Variants in C1orf21 observed in about 807,000 individuals in gnomAD.
C1orf21 encodes uncharacterized protein C1orf21.
A neutral mutation model predicts 18.7 loss-of-function variants in C1orf21; 3 were observed. The ratio of observed to expected loss-of-function variants is 0.16; its 90% CI spans 0.07 to 0.42. C1orf21 has a LOEUF of 0.42. C1orf21 is among the 10% of genes least tolerant of loss of function. The probability of loss-of-function intolerance (pLI) is 0.99; values close to 1 mark genes in which losing one functional copy is unlikely to be tolerated. For missense variants in C1orf21, 104 were observed against 143.6 expected, an observed-to-expected ratio of 0.72 and a Z score of 1.41; for synonymous variants, 41 against 46.4, an observed-to-expected ratio of 0.88 and a Z score of 0.47.
chr1:184,501,994 A>C (rs1657982811), intron 2 of C1orf21, among the ~76,000 whole-genome samples: 1 of 152,228 alleles, frequency 6.6e-6, no homozygotes, highest in Non-Finnish European at 1.5e-5. Flanking sequence ...GTAAATTTTA[A>C]AACATTAAAC....
chr1:184,451,451 T>C (rs1657120943), intron 1 of C1orf21, among the ~76,000 whole-genome samples: 1 of 146,812 alleles, frequency 6.8e-6, no homozygotes, highest in Non-Finnish European at 1.5e-5. Context: ...CCATCATGCC[T>C]GGCTAATTTA....
At chr1:184,515,493 G>A (rs1225969073) in intron 3 of C1orf21, among the ~76,000 whole-genome samples, 1 of 152,122 alleles carries the variant, frequency 6.6e-6, no homozygotes, top group Non-Finnish European at 1.5e-5. Context: ...GCGTCGTTAC[G>A]TAGGTTACCA....
chr1:184,455,246 A>G (rs1305255694), intron 1 of C1orf21, among the ~76,000 whole-genome samples: 2 of 152,220 alleles, frequency 1.3e-5, no homozygotes, highest in African/African-American at 4.8e-5. Flanking sequence ...AAGGAGCCTT[A>G]CAGGTCTGAT....
chr1:184,480,525 C>A (rs1042142487), intron 2 of C1orf21, among the ~76,000 whole-genome samples: 10 of 152,178 alleles, frequency 6.6e-5, no homozygotes, highest in African/African-American at 2.4e-4. Flanking sequence ...CTCTATTGTT[C>A]TAAAGCACCA....
At chr1:184,392,283 T>C (rs866314367) in intron 1 of C1orf21, among the ~76,000 whole-genome samples, 46 of 152,108 alleles carry the variant, frequency 3.0e-4, no homozygotes, top group African/African-American at 1.1e-3. Flanking sequence ...GATCAAGGAG[T>C]GCTGGAGAGG....
chr1:184,547,758 A>G (rs891356447), intron 3 of C1orf21, among the ~76,000 whole-genome samples: 4 of 152,232 alleles, frequency 2.6e-5, no homozygotes, highest in African/African-American at 9.7e-5. Flanking sequence ...CCCATCCTTT[A>G]TGAAGAGAAT....
chr1:184,573,110 A>C (rs1252737824), intron 3 of C1orf21, among the ~76,000 whole-genome samples: 4 of 152,148 alleles, frequency 2.6e-5, no homozygotes, highest in Admixed American at 6.5e-5. Flanking sequence ...AACTATTTTA[A>C]TATAGTCATT....
At chr1:184,616,992 TACTC>T (rs989851707) in intron 5 of C1orf21, among the ~76,000 whole-genome samples, 12 of 152,194 alleles carry the variant, frequency 7.9e-5, no homozygotes, top group Non-Finnish European at 1.5e-4. Flanking sequence ...TCATAGTCCT[TACTC>T]ACCTGACAGC....
intron 3 of C1orf21, among the ~76,000 whole-genome samples, chr1:184,541,906 G>A (rs1375103100): frequency 1.3e-5 from 2 of 152,168 alleles, no homozygotes; most frequent in Non-Finnish European, 2.9e-5. Context: ...GCTTCGGGCC[G>A]GTGTGGTTTG....
chr1:184,606,916 A>C (rs941656551), intron 5 of C1orf21, among the ~76,000 whole-genome samples: 7 of 152,208 alleles, frequency 4.6e-5, no homozygotes, highest in African/African-American at 1.7e-4. Context: ...ATAGCAAAGA[A>C]TGAGACATTC....
intron 2 of C1orf21, among the ~76,000 whole-genome samples, chr1:184,486,433 G>A (rs1164057785): frequency 6.6e-6 from 1 of 152,178 alleles, no homozygotes; most frequent in Non-Finnish European, 1.5e-5. Context: ...GGAGTTCTGA[G>A]GAGGAACACA....
Position 184,410,650 on chromosome 1 carries a change from T to A in C1orf21, c.-125+23282T>A, listed in dbSNP as rs1656329781. On this transcript the variant is annotated intron_variant, in intron 1 of 5. Transcript: ENST00000235307. The stretch of plus-strand genomic sequence containing the variant: ...ATATATATATATATATATATATATA[T>A]ATATATATATATATTTTTTTTTTTT... Among the ~76,000 whole-genome samples the A allele has an allele frequency of 3.0e-4, 2 of 6,674 alleles. 1 individual carries two copies. The highest frequency in any genetic ancestry group is 5.7e-3 in the African/African-American group (2 of 352). 4.4% of individuals were successfully genotyped at this position (6,674 alleles called of 152,430 possible). A position where few individuals can be genotyped will look rare whatever the true frequency, so the allele number is the denominator to read the frequency against.
intron 3 of C1orf21, among the ~76,000 whole-genome samples, chr1:184,583,837 C>A (rs916056432): frequency 6.6e-6 from 1 of 152,118 alleles, no homozygotes; most frequent in Non-Finnish European, 1.5e-5. Flanking sequence ...TTATCTTAGT[C>A]GCAGTTGGTC....
intron 3 of C1orf21, among the ~76,000 whole-genome samples, chr1:184,521,175 C>G (rs1332678502): frequency 6.6e-6 from 1 of 152,120 alleles, no homozygotes; most frequent in African/African-American, 2.4e-5. Context: ...GTGAGCCACT[C>G]ACTGCACCCG....
chr1:184,561,243 C>T (rs1016989293), intron 3 of C1orf21, among the ~76,000 whole-genome samples: 1 of 152,140 alleles, frequency 6.6e-6, no homozygotes, highest in Admixed American at 6.5e-5. Context: ...ACCCACTGCC[C>T]TCCTCAAAGA....
intron 3 of C1orf21, among the ~76,000 whole-genome samples, chr1:184,565,231 TATTC>T (rs1447819006): frequency 6.6e-6 from 1 of 152,230 alleles, no homozygotes. Flanking sequence ...ATTCTGATAT[TATTC>T]ATGAGGATAA....
intron 3 of C1orf21, 71 bp from the exon 4 acceptor site, chr1:184,590,668 G>A: frequency 1.4e-6 from 2 of 1,466,570 alleles, no homozygotes; most frequent in Non-Finnish European, 1.9e-6. Flanking sequence ...TTTGTGTGAT[G>A]AAAACTCATA....
chr1:184,613,094 C>T (rs145396103), intron 5 of C1orf21, among the ~76,000 whole-genome samples: 45 of 152,186 alleles, frequency 3.0e-4, no homozygotes, highest in South Asian at 1.2e-3. Flanking sequence ...GGATTACAGG[C>T]GCACGCCACC....
intron 3 of C1orf21, among the ~76,000 whole-genome samples, chr1:184,558,975 A>G (rs890699017): frequency 2.6e-5 from 4 of 152,184 alleles, no homozygotes; most frequent in Admixed American, 1.3e-4. Context: ...GAATTTGCCA[A>G]TACCTAGTCC....
Sources: gnomAD v4.1 joint callset for allele counts (sites outside exome capture counted in the v4.1 genomes callset) on GRCh38, gnomAD v4.1.1 for gene constraint, MANE v1.5 for transcripts, NCBI Gene and HGNC (gene_info 2026-07-23, HGNC 2026-07-21) for gene names.